Variants in PXMP4 observed in about 807,000 individuals in gnomAD.
The protein encoded by PXMP4 is 24 kDa peroxisomal intrinsic membrane protein.
Under a neutral mutation model 21.6 loss-of-function variants are expected in PXMP4, and 16 were observed. The observed-to-expected ratio is 0.74, with a 90% CI of 0.50 to 1.13. The LOEUF is 1.13. PXMP4 is among the 50% of genes most tolerant of loss of function. PXMP4 has a pLI of 0.00. For synonymous variants in PXMP4, 127 were observed against 123.8 expected, an observed-to-expected ratio of 1.03 and a Z score of -0.17; for missense variants, 240 against 277.7, an observed-to-expected ratio of 0.86 and a Z score of 0.96.
At chr20:33,716,845 A>G (rs537855899) in intron 1 of PXMP4, among the ~76,000 whole-genome samples, 19 of 152,314 alleles carry the variant, frequency 1.2e-4, no homozygotes, top group Non-Finnish European at 2.5e-4. Flanking sequence ...GTAACACTGT[A>G]CCTATTCAAA....
chr20:33,718,844 T>A (rs1488158541), intron 1 of PXMP4, among the ~76,000 whole-genome samples: 1 of 152,204 alleles, frequency 6.6e-6, no homozygotes, highest in South Asian at 2.1e-4. Flanking sequence ...AAATACCAGG[T>A]GCTAGTAATA....
At position 33,705,353 on chromosome 20, in the gene PXMP4, G is replaced by C. The variant is rs897857265; in HGVS notation, c.*2353C>G. The stretch of plus-strand genomic sequence containing the variant: ...ATGGTGGCTCACACCTGTAATCCCA[G>C]CATTTTGGGAGGCCAAGGTGGGTGG... On this transcript the variant is annotated 3_prime_UTR_variant, in exon 4 of 4. Transcript: ENST00000409299. The C allele has an allele frequency of 1.3e-5, 2 of 151,358 alleles. No homozygotes were observed. The highest frequency in any genetic ancestry group is 4.8e-5 in the African/African-American group (2 of 41,266). 9.4% of individuals were successfully genotyped at this position (151,358 alleles called of 1,614,324 possible). A position where few individuals can be genotyped will look rare whatever the true frequency, so the allele number is the denominator to read the frequency against.
chr20:33,719,985 C>T, intron 1 of PXMP4, 110 bp downstream of exon 1: 2 of 1,050,710 alleles, frequency 1.9e-6, no homozygotes, highest in Middle Eastern at 5.3e-4. Flanking sequence ...TAGAGACACA[C>T]GAGGACTGCT....
In PXMP4 at chr20:33,708,754, G is replaced by A. The variant is rs143163609; in HGVS notation, c.376-785C>T. 2.8e-3 allele frequency among the ~76,000 whole-genome samples: 427 copies of A among 151,274 alleles called. 3 individuals are homozygous for A. The highest frequency in any genetic ancestry group is 3.4e-3 in the Middle Eastern group (1 of 292). ...CACCCTGGCTGGAGTGCAGTGGCACGATCTTGGCTCACTGCAACCTCTGCC... is the reference window on the plus strand; with the variant it reads ...CACCCTGGCTGGAGTGCAGTGGCACAATCTTGGCTCACTGCAACCTCTGCC... On this transcript the variant is annotated intron_variant, in intron 3 of 3. Transcript: ENST00000409299.
At chr20:33,717,662 T>TAAAAA (rs2018398678) in intron 1 of PXMP4, among the ~76,000 whole-genome samples, 1 of 120,308 alleles carries the variant, frequency 8.3e-6, no homozygotes, top group African/African-American at 3.5e-5. Context: ...AAAAAAATTA[T>TAAAAA]TAAATATTTT....
rs1601201847 is a variant in PXMP4, at chr20:33,707,631, T to C, written c.*75A>G. 1.2e-5 allele frequency: 19 copies of C among 1,543,232 alleles called. No individual in the cohort carries two copies. The South Asian group carries it at 1.9e-4, about 16-fold the overall frequency. On this transcript the variant is annotated 3_prime_UTR_variant, in exon 4 of 4. Coordinates refer to ENST00000409299, the MANE Select transcript of PXMP4 (RefSeq NM_007238.5). Reference sequence around the variant, plus strand: ...AGTTGGAGTCTGAGGCCTATGATCTTGAGAAGGCAGTATCCTTTGGGAGGG... The same window carrying C: ...AGTTGGAGTCTGAGGCCTATGATCTCGAGAAGGCAGTATCCTTTGGGAGGG...
Position 33,707,814 on chromosome 20 carries a change from G to C in PXMP4, c.531C>G (p.Thr177=). Residue 177 remains threonine (T), a synonymous_variant, in exon 4 of 4, where the codon ACC becomes ACG. Coordinates refer to ENST00000409299, the MANE Select transcript of PXMP4 (RefSeq NM_007238.5). ...TGGAGGACTGCAGCGAGGGCTGCAGGGTGGATCGGTGATACTCAAAGAGCC... is the reference window on the plus strand; with the variant it reads ...TGGAGGACTGCAGCGAGGGCTGCAGCGTGGATCGGTGATACTCAAAGAGCC... ...VLWLFEYHRS[T]LQPSLQSSMT... The C allele has an allele frequency of 6.2e-7, 1 of 1,614,152 alleles. No individual in the cohort carries two copies. The highest frequency in any genetic ancestry group is 1.1e-5 in the South Asian group (1 of 91,074).
intron 1 of PXMP4, among the ~76,000 whole-genome samples, chr20:33,715,190 G>C (rs1373836217): frequency 1.3e-5 from 2 of 152,206 alleles, no homozygotes; most frequent in African/African-American, 2.4e-5. Context: ...GCCCAGGCTG[G>C]AGTACAGTGG....
rs1474751414 is a variant in PXMP4 at position 33,702,812 on chromosome 20, T to C, written c.*4894A>G. The C allele has an allele frequency of 2.0e-5, 3 of 152,210 alleles. No homozygotes were observed. Among genetic ancestry groups the C allele is most frequent in the Non-Finnish European group, 4.4e-5 (3 of 68,040 alleles). 9.4% of individuals were successfully genotyped at this position (152,210 alleles called of 1,614,324 possible). ...TACATGTCAAAAGAATTAACAGGAT[T>C]GTAGCAGGTGTTTAGTAAGTAGAGG... is the stretch of plus-strand genomic sequence containing the variant. On this transcript the variant is annotated 3_prime_UTR_variant, in exon 4 of 4. Coordinates refer to ENST00000409299, the MANE Select transcript of PXMP4 (RefSeq NM_007238.5).
Position 33,704,155 on chromosome 20 carries a change from A to T in PXMP4, c.*3551T>A, listed in dbSNP as rs2018233714. ...TTATTTCTATTATTATTACCTTGTA[A>T]TATATAATGAAATAATTGTACAACA... On this transcript the variant is annotated 3_prime_UTR_variant, in exon 4 of 4. Transcript: ENST00000409299. 1 of 152,844 alleles carries T rather than the reference A, an allele frequency of 6.5e-6. No homozygotes were observed. Among genetic ancestry groups the T allele is most frequent in the Admixed American group, 6.5e-5 (1 of 15,290 alleles). 9.5% of individuals were successfully genotyped at this position (152,844 alleles called of 1,614,324 possible). A position where few individuals can be genotyped will look rare whatever the true frequency, so the allele number is the denominator to read the frequency against.
Position 33,705,604 on chromosome 20 carries a change from C to CA in PXMP4, c.*2101dup, listed in dbSNP as rs772158398. The CA allele has an allele frequency of 0.23, 23,588 of 101,118 alleles. 2,624 individuals are homozygous for CA. Among genetic ancestry groups the CA allele is most frequent in the East Asian group, 0.54 (2,202 of 4,114 alleles). The allele number at this position is 101,118 out of a possible 1,614,324, so 6.3% of individuals were successfully genotyped here. On this transcript the variant is annotated 3_prime_UTR_variant, in exon 4 of 4. Coordinates refer to ENST00000409299, the MANE Select transcript of PXMP4 (RefSeq NM_007238.5). ...TGGGCGAGAGAGCAAGACTCTGTCT[C>CA]AAAAAAAAAAAAAAAAGAAAAAATC...
rs145514896 is a variant in PXMP4, at chr20:33,718,039, C to T, written c.113+2056G>A. 1.9e-3 allele frequency among the ~76,000 whole-genome samples: 284 copies of T among 152,272 alleles called. 1 individual carries two copies. The highest frequency in any genetic ancestry group is 6.7e-3 in the African/African-American group (280 of 41,556). The stretch of plus-strand genomic sequence containing the variant: ...TACTCTTCTTTATTGGACACCTCCA[C>T]CCCTACCCCTATCCCTAAGTTCTCC... On this transcript the variant is annotated intron_variant, in intron 1 of 3. Coordinates refer to ENST00000409299, the MANE Select transcript of PXMP4 (RefSeq NM_007238.5).
chr20:33,710,497 C>A, intron 3 of PXMP4, 58 bp downstream of exon 3: 2 of 993,414 alleles, frequency 2.0e-6, no homozygotes, highest in East Asian at 1.2e-4. Context: ...TTCTGTCACC[C>A]CCACCTCTGT....
At chr20:33,708,119 CT>C (rs1906149393) in intron 3 of PXMP4, 150 bp from the exon 4 acceptor site, 2 of 997,720 alleles carry the variant, frequency 2.0e-6, no homozygotes, top group East Asian at 5.5e-5. Context: ...AAAGAATCAA[CT>C]TTTGGTTTAG....
At chr20:33,711,855 T>C (rs1055292251) in intron 2 of PXMP4, among the ~76,000 whole-genome samples, 1 of 151,592 alleles carries the variant, frequency 6.6e-6, no homozygotes, top group Non-Finnish European at 1.5e-5. Flanking sequence ...TAGCCAGGTG[T>C]GGTGGCACAC....
chr20:33,720,022 G>T (rs1432594837), intron 1 of PXMP4, 73 bp downstream of exon 1: 2 of 1,421,440 alleles, frequency 1.4e-6, no homozygotes, highest in East Asian at 4.6e-5. Context: ...CGCGGCATCG[G>T]ACTTCGAACT....
chr20:33,718,224 T>C (rs2018404138), intron 1 of PXMP4, among the ~76,000 whole-genome samples: 1 of 152,016 alleles, frequency 6.6e-6, no homozygotes, highest in African/African-American at 2.4e-5. Context: ...CAAACCTGTG[T>C]CCAAGGCTGG....
intron 2 of PXMP4, among the ~76,000 whole-genome samples, chr20:33,713,459 G>C (rs1193901329): frequency 6.6e-6 from 1 of 152,118 alleles, no homozygotes; most frequent in Non-Finnish European, 1.5e-5. Flanking sequence ...CACTTCTGAT[G>C]CCCTTTCCCT....
At chr20:33,716,223 C>T (rs1243690268) in intron 1 of PXMP4, among the ~76,000 whole-genome samples, 1 of 152,194 alleles carries the variant, frequency 6.6e-6, no homozygotes, top group East Asian at 1.9e-4. Context: ...TTCCACTACT[C>T]ACAGAACAAA....
Sources: allele counts gnomAD v4.1 joint callset (sites outside exome capture counted in the v4.1 genomes callset), GRCh38; gene constraint gnomAD v4.1.1; transcripts MANE v1.5; gene names NCBI Gene and HGNC (gene_info 2026-07-23, HGNC 2026-07-21).